Variants in CNTNAP2 observed in about 807,000 individuals in gnomAD.
The protein encoded by CNTNAP2 is contactin-associated protein-like 2.
In CNTNAP2, 98 loss-of-function variants were observed where a neutral mutation model predicts 155.2. The observed-to-expected ratio is 0.63, with a 90% CI of 0.54 to 0.75. CNTNAP2 has a LOEUF of 0.75. Ranked by LOEUF, CNTNAP2 falls within the 30% of genes least tolerant of loss-of-function variation. The pLI, the probability that CNTNAP2 is intolerant of heterozygous loss-of-function variation, is 0.00. For synonymous variants in CNTNAP2, 651 were observed against 631.2 expected (o/e 1.03, Z -0.47); for missense variants, 1,727 against 1,688.1 (o/e 1.02, Z -0.40).
chr7:147,460,874 G>T (rs530430583), intron 10 of CNTNAP2, among the ~76,000 whole-genome samples: 12 of 152,178 alleles, frequency 7.9e-5, no homozygotes, highest in Non-Finnish European at 1.6e-4. Flanking sequence ...TCTGCATCTA[G>T]TTAGGGAAGT....
chr7:148,061,835 CTAGA>C (rs10661770), intron 15 of CNTNAP2, among the ~76,000 whole-genome samples: 8 of 144,998 alleles, frequency 5.5e-5, no homozygotes, highest in Admixed American at 2.8e-4. Flanking sequence ...GTCTAGATAC[CTAGA>C]TAGTTAGATA....
chr7:147,832,658 ATATATTTCAATATAT>A (rs1798570378), intron 13 of CNTNAP2, among the ~76,000 whole-genome samples: 1 of 138,700 alleles, frequency 7.2e-6, no homozygotes, highest in Non-Finnish European at 1.6e-5. Flanking sequence ...TTATATTTCA[ATATATTTCAATATAT>A]TATATTTCAT....
chr7:146,936,530 T>C (rs546495075), intron 3 of CNTNAP2, among the ~76,000 whole-genome samples: 60 of 152,252 alleles, frequency 3.9e-4, no homozygotes, highest in African/African-American at 1.3e-3. Context: ...ATTGAGAAAA[T>C]GACCAAAAGC....
At chr7:146,276,448 T>C (rs781590182) in intron 1 of CNTNAP2, among the ~76,000 whole-genome samples, 1 of 152,218 alleles carries the variant, frequency 6.6e-6, no homozygotes, top group African/African-American at 2.4e-5. Flanking sequence ...CAAATGTTTA[T>C]TGAATCCATG....
At chr7:146,257,984 G>C (rs1799864875) in intron 1 of CNTNAP2, among the ~76,000 whole-genome samples, 1 of 151,716 alleles carries the variant, frequency 6.6e-6, no homozygotes, top group South Asian at 2.1e-4. Flanking sequence ...TCCACCTCCT[G>C]GGTTCAAGCG....
chr7:147,058,526 A>G (rs2129261446), intron 4 of CNTNAP2, among the ~76,000 whole-genome samples: 1 of 152,346 alleles, frequency 6.6e-6, no homozygotes, highest in East Asian at 1.9e-4. Context: ...TCTCTAAAAC[A>G]GAGCAAACAA....
intron 8 of CNTNAP2, among the ~76,000 whole-genome samples, chr7:147,186,240 A>T (rs1295724675): frequency 6.6e-6 from 1 of 152,186 alleles, no homozygotes; most frequent in Non-Finnish European, 1.5e-5. Context: ...TCATAGACTC[A>T]AGAGGATTTG....
intron 1 of CNTNAP2, among the ~76,000 whole-genome samples, chr7:146,365,358 C>T (rs1259462081): frequency 6.6e-6 from 1 of 152,172 alleles, no homozygotes; most frequent in African/African-American, 2.4e-5. Flanking sequence ...AATAATAAAA[C>T]TTGTTTTGGT....
At chr7:147,611,478 A>G (rs1226214134) in intron 12 of CNTNAP2, among the ~76,000 whole-genome samples, 1 of 152,202 alleles carries the variant, frequency 6.6e-6, no homozygotes, top group Non-Finnish European at 1.5e-5. Flanking sequence ...CTACAATGGA[A>G]TAAAAACATT....
intron 11 of CNTNAP2, among the ~76,000 whole-genome samples, chr7:147,538,650 TA>T (rs914180435): frequency 5.9e-5 from 9 of 151,264 alleles, no homozygotes; most frequent in African/African-American, 7.3e-5. Flanking sequence ...ATTATATATA[TA>T]AAAAAAAATC....
chr7:147,408,758 A>G (rs754533275), intron 10 of CNTNAP2, among the ~76,000 whole-genome samples: 54 of 152,270 alleles, frequency 3.5e-4, no homozygotes, highest in Admixed American at 2.8e-3. Context: ...ACTCCATCTC[A>G]ATAATAATAA....
At chr7:147,638,647 A>G (rs1408188888) in intron 12 of CNTNAP2, among the ~76,000 whole-genome samples, 1 of 152,154 alleles carries the variant, frequency 6.6e-6, no homozygotes, top group Non-Finnish European at 1.5e-5. Context: ...TGACAAGATG[A>G]GGATACATAT....
At chr7:146,403,088 A>T (rs945094948) in intron 1 of CNTNAP2, among the ~76,000 whole-genome samples, 1 of 152,150 alleles carries the variant, frequency 6.6e-6, no homozygotes, top group African/African-American at 2.4e-5. Flanking sequence ...TGATACTCAA[A>T]CTTGTCATAT....
At chr7:147,203,002 A>C (rs1802952822) in intron 8 of CNTNAP2, among the ~76,000 whole-genome samples, 2 of 151,594 alleles carry the variant, frequency 1.3e-5, no homozygotes, top group Admixed American at 1.3e-4. Context: ...TCTGTCTACC[A>C]CAGGAAAAAA....
chr7:146,386,542 C>T (rs1795464441), intron 1 of CNTNAP2, among the ~76,000 whole-genome samples: 1 of 152,136 alleles, frequency 6.6e-6, no homozygotes, highest in African/African-American at 2.4e-5. Flanking sequence ...GCGCCTGCCA[C>T]CATGCCTGGC....
chr7:146,451,033 G>C (rs1430857785), intron 1 of CNTNAP2, among the ~76,000 whole-genome samples: 1 of 152,026 alleles, frequency 6.6e-6, no homozygotes, highest in Non-Finnish European at 1.5e-5. Flanking sequence ...TGCAAGCTCT[G>C]ACCCCCGGGT....
At chr7:148,190,280 A>G (rs1187034707) in intron 18 of CNTNAP2, 1 of 152,272 alleles carries the variant, frequency 6.6e-6, no homozygotes, top group African/African-American at 2.4e-5. Flanking sequence ...CGTGGATCGG[A>G]CACATGAAAA....
chr7:146,410,118 A>G (rs917625793), intron 1 of CNTNAP2, among the ~76,000 whole-genome samples: 3 of 152,148 alleles, frequency 2.0e-5, no homozygotes, highest in Non-Finnish European at 4.4e-5. Context: ...ACTTTCCCGT[A>G]TTTATTTTGA....
At position 147,132,460 on chromosome 7, in the gene CNTNAP2, T is replaced by G. The variant is rs1315845582; in HGVS notation, c.1299T>G (p.Val433=). Residue 433 remains valine, a synonymous_variant, in exon 8 of 24, where the codon GTT becomes GTG. Coordinates refer to ENST00000361727, the MANE Select transcript of CNTNAP2 (RefSeq NM_014141.6). ...ACCTCACTGAAAGCAAAGTGGGTGTTCACATCAACATCACACAGACCAAGA... is the reference window on the plus strand; with the variant it reads ...ACCTCACTGAAAGCAAAGTGGGTGTGCACATCAACATCACACAGACCAAGA... ...EIDLTESKVG[V]HINITQTKMS... The G allele has an allele frequency of 2.5e-6, 4 of 1,613,580 alleles. No individual in the cohort carries two copies. The highest frequency in any genetic ancestry group is 2.7e-5 in the African/African-American group (2 of 74,880).
Sources: allele counts gnomAD v4.1 joint callset (sites outside exome capture counted in the v4.1 genomes callset), GRCh38; gene constraint gnomAD v4.1.1; transcripts MANE v1.5; gene names NCBI Gene and HGNC (gene_info 2026-07-23, HGNC 2026-07-21).